Variants in DCC observed in about 807,000 individuals in gnomAD.
DCC encodes DCC netrin 1 receptor.
DCC carries 58 observed loss-of-function variants against 172.5 expected under a neutral mutation model. The observed-to-expected ratio is 0.34, with a 90% confidence interval of 0.27 to 0.42. DCC has a LOEUF of 0.42. Among genes scored for constraint, DCC ranks in the 10% least tolerant of loss-of-function variants. The pLI is 1.00. For missense variants in DCC, 1,740 were observed against 1,791.0 expected (o/e 0.97, Z 0.51); for synonymous variants, 709 against 644.5 (o/e 1.10, Z -1.52).
intron 7 of DCC, among the ~76,000 whole-genome samples, chr18:53,128,870 C>CACACACACACACATAT (rs1300738812): frequency 2.6e-5 from 2 of 77,476 alleles, no homozygotes; most frequent in African/African-American, 1.3e-4. Context: ...CACACACACA[C>CACACACACACACATAT]ATATATATAT....
intron 1 of DCC, among the ~76,000 whole-genome samples, chr18:52,471,783 A>G (rs1988953889): frequency 6.6e-6 from 1 of 152,198 alleles, no homozygotes; most frequent in African/African-American, 2.4e-5. Context: ...GGACAAGACT[A>G]ATAAAGAATG....
At chr18:53,196,402 C>T (rs2055443478) in intron 9 of DCC, among the ~76,000 whole-genome samples, 2 of 152,160 alleles carry the variant, frequency 1.3e-5, no homozygotes, top group Non-Finnish European at 2.9e-5. Flanking sequence ...ATTCTACATA[C>T]TTCACAAGGT....
intron 25 of DCC, among the ~76,000 whole-genome samples, chr18:53,471,184 TAGTA>T (rs2045691999): frequency 6.6e-6 from 1 of 152,172 alleles, no homozygotes; most frequent in South Asian, 2.1e-4. Flanking sequence ...TGTGGGTACA[TAGTA>T]GGTATATATA....
intron 1 of DCC, among the ~76,000 whole-genome samples, chr18:52,422,353 G>A (rs766540453): frequency 6.6e-6 from 1 of 152,080 alleles, no homozygotes; most frequent in African/African-American, 2.4e-5. Context: ...GATAATATTT[G>A]CATGTCAGTG....
chr18:53,311,402 C>T (rs1335345445), intron 13 of DCC, among the ~76,000 whole-genome samples: 3 of 152,120 alleles, frequency 2.0e-5, no homozygotes, highest in Non-Finnish European at 4.4e-5. Flanking sequence ...AGATTACAGG[C>T]GTGAGCCACC....
intron 23 of DCC, among the ~76,000 whole-genome samples, chr18:53,452,121 G>A (rs952293460): frequency 1.3e-5 from 2 of 152,228 alleles, no homozygotes; most frequent in African/African-American, 4.8e-5. Context: ...GGAGGGGAAA[G>A]TAACTAATTG....
intron 22 of DCC, among the ~76,000 whole-genome samples, chr18:53,439,763 A>AGTTTTCTTTT (rs1912148445): frequency 1.8e-5 from 2 of 112,502 alleles, no homozygotes; most frequent in East Asian, 4.5e-4. Flanking sequence ...ATGTAGTAGT[A>AGTTTTCTTTT]TTTTTCTTTT....
intron 2 of DCC, among the ~76,000 whole-genome samples, chr18:52,886,300 A>G (rs1404397256): frequency 6.6e-6 from 1 of 152,258 alleles, no homozygotes. Flanking sequence ...GCTTTGGACC[A>G]TGGTGGCAAG....
At chr18:52,462,766 G>A (rs1022164568) in intron 1 of DCC, among the ~76,000 whole-genome samples, 5 of 152,138 alleles carry the variant, frequency 3.3e-5, no homozygotes, top group African/African-American at 1.2e-4. Context: ...ATTTGTGTCA[G>A]TTTTATTATT....
intron 1 of DCC, among the ~76,000 whole-genome samples, chr18:52,603,996 G>A (rs2034075543): frequency 6.6e-6 from 1 of 151,258 alleles, no homozygotes; most frequent in Non-Finnish European, 1.5e-5. Context: ...TGCTAGGTTT[G>A]CAGTAGTGCT....
chr18:52,655,283 T>C (rs1185799348), intron 1 of DCC, among the ~76,000 whole-genome samples: 1 of 152,152 alleles, frequency 6.6e-6, no homozygotes, highest in African/African-American at 2.4e-5. Flanking sequence ...AGGTGAACAT[T>C]GAGGGTCAGG....
In DCC at chr18:53,063,428, T is replaced by C; in HGVS notation, c.1109T>C (p.Val370Ala). ...PTVNWMKNGDVVIPSDYFQIV... is the reference protein window; with the variant it reads ...PTVNWMKNGDAVIPSDYFQIV... ...GTGAATTGGATGAAGAATGGAGATG[T>C]GGTCATTCCTAGTGATTATTTTCAG... is the stretch of plus-strand genomic sequence containing the variant. Residue 370 changes from valine to alanine, a missense_variant, in exon 6 of 29, where the codon GTG (valine) becomes GCG (alanine). Around this residue, in one of 2 missense-constraint regions of DCC, gnomAD observed 1,732 missense variants for 1,767.4 expected, o/e 0.98. Transcript: ENST00000442544. 1 of 1,611,780 alleles carries C rather than the reference T, an allele frequency of 6.2e-7. No individual in the cohort carries two copies. Among genetic ancestry groups the C allele is most frequent in the Non-Finnish European group, 8.5e-7 (1 of 1,178,042 alleles).
At chr18:53,307,656 T>A (rs1019107528) in intron 13 of DCC, among the ~76,000 whole-genome samples, 5 of 151,760 alleles carry the variant, frequency 3.3e-5, no homozygotes, top group Non-Finnish European at 7.4e-5. Context: ...AATGATTGGA[T>A]GTTCAATTCA....
chr18:53,321,795 C>T (rs2057414370), intron 13 of DCC, among the ~76,000 whole-genome samples: 2 of 152,128 alleles, frequency 1.3e-5, no homozygotes, highest in South Asian at 4.1e-4. Context: ...TATTCTGCAT[C>T]TGCCCTGAGG....
chr18:52,612,990 A>G (rs1289207535), intron 1 of DCC, among the ~76,000 whole-genome samples: 5 of 152,162 alleles, frequency 3.3e-5, no homozygotes, highest in African/African-American at 9.7e-5. Flanking sequence ...AAATAAGTCT[A>G]TATCTGTCAG....
chr18:52,969,577 G>GC (rs5824981), intron 5 of DCC, among the ~76,000 whole-genome samples: 4 of 72,654 alleles, frequency 5.5e-5, no homozygotes, highest in Admixed American at 1.4e-4. Flanking sequence ...TATTTGCCCC[G>GC]CCCCCCACTC....
chr18:52,809,011 T>G (rs955794015), intron 2 of DCC, among the ~76,000 whole-genome samples: 17 of 152,174 alleles, frequency 1.1e-4, no homozygotes, highest in African/African-American at 3.6e-4. Flanking sequence ...TATGCCTGGG[T>G]AATCCTGGTT....
intron 1 of DCC, among the ~76,000 whole-genome samples, chr18:52,350,619 C>T (rs1027785576): frequency 6.6e-6 from 1 of 152,026 alleles, no homozygotes; most frequent in Non-Finnish European, 1.5e-5. Context: ...ACCTGTGTAA[C>T]AAATCTGCAC....
At chr18:53,005,460 A>G (rs2041630203) in intron 5 of DCC, among the ~76,000 whole-genome samples, 1 of 152,186 alleles carries the variant, frequency 6.6e-6, no homozygotes, top group Non-Finnish European at 1.5e-5. Flanking sequence ...GTCGCTGAGC[A>G]TGGTGGCTTA....
Sources: gnomAD v4.1 joint callset for allele counts (sites outside exome capture counted in the v4.1 genomes callset) on GRCh38, gnomAD v4.1.1 for gene constraint, gnomAD v4.1.1 regional missense constraint, MANE v1.5 for transcripts, NCBI Gene and HGNC (gene_info 2026-07-23, HGNC 2026-07-21) for gene names.